Variants in EP400 observed in about 807,000 individuals in gnomAD.
The protein encoded by EP400 is E1A-binding protein p400.
Under a neutral mutation model 354.1 loss-of-function variants are expected in EP400, and 105 were observed. The ratio of observed to expected loss-of-function variants is 0.30; its 90% CI spans 0.25 to 0.35. The LOEUF (loss-of-function observed/expected upper bound fraction) is 0.35. Among genes scored for constraint, EP400 ranks in the 10% least tolerant of loss-of-function variants. The pLI is 1.00. For synonymous variants in EP400, 1,646 were observed against 1,716.9 expected, an observed-to-expected ratio of 0.96 and a Z score of 1.02; for missense variants, 3,280 against 4,121.0, an observed-to-expected ratio of 0.80 and a Z score of 5.59.
At chr12:132,051,838 C>T (rs535065202) in intron 41 of EP400, among the ~76,000 whole-genome samples, 2 of 152,204 alleles carry the variant, frequency 1.3e-5, no homozygotes, top group East Asian at 3.9e-4. Context: ...CTTTCCCGGT[C>T]CACTAAGTAG....
rs1357534426 is a variant in EP400 at position 131,979,800 on chromosome 12, C to CG, written c.1435+9dup. ...CCCTCCACAGGTATGGCAGGTACGTCGGCACGGCTAGCGTGGCCTCGGGAA... is the reference window on the plus strand; with the variant it reads ...CCCTCCACAGGTATGGCAGGTACGTCGGGCACGGCTAGCGTGGCCTCGGGAA... On this transcript the variant is annotated splice_region_variant and intron_variant, in intron 3 of 52. Coordinates refer to ENST00000389561, the MANE Select transcript of EP400 (RefSeq NM_015409.5). The CG allele has an allele frequency of 6.3e-7, 1 of 1,598,054 alleles. No individual in the cohort carries two copies. The highest frequency in any genetic ancestry group is 8.5e-7 in the Non-Finnish European group (1 of 1,172,780).
intron 31 of EP400, 44 bp downstream of exon 31, chr12:132,037,837 C>T (rs770590274): frequency 9.8e-5 from 158 of 1,609,638 alleles, no homozygotes; most frequent in Non-Finnish European, 1.2e-4. Flanking sequence ...ACCCGCCATG[C>T]GGCGCGTGGA....
chr12:131,951,362 T>C (rs544083194), intron 1 of EP400, among the ~76,000 whole-genome samples: 4 of 151,978 alleles, frequency 2.6e-5, no homozygotes, highest in Admixed American at 1.3e-4. Context: ...AATTTTTTAT[T>C]ATTTGAGTTG....
At chr12:132,012,150 A>G (rs1269392608) in intron 16 of EP400, among the ~76,000 whole-genome samples, 2 of 152,226 alleles carry the variant, frequency 1.3e-5, no homozygotes, top group Non-Finnish European at 2.9e-5. Flanking sequence ...CATTGAGTAG[A>G]ACGTTTTGGA....
intron 51 of EP400, among the ~76,000 whole-genome samples, chr12:132,072,120 GC>G (rs1896086985): frequency 6.6e-6 from 1 of 152,158 alleles, no homozygotes; most frequent in Admixed American, 6.5e-5. Flanking sequence ...CGTGCGCTCT[GC>G]CTGCCTTGTC....
intron 32 of EP400, among the ~76,000 whole-genome samples, chr12:132,042,197 C>T (rs372572519): frequency 2.6e-5 from 4 of 152,136 alleles, no homozygotes; most frequent in African/African-American, 7.2e-5. Context: ...GTGATCTGCC[C>T]GCCTTGGCCT....
In EP400 at chr12:132,077,942, C is replaced by T. The variant is rs768754449; in HGVS notation, c.*269C>T. ...AAATCATTTCACCTTTCAGTCCCCACCCGCACCCGTCCCCTAGAGCCATAG... is the reference window on the plus strand; with the variant it reads ...AAATCATTTCACCTTTCAGTCCCCATCCGCACCCGTCCCCTAGAGCCATAG... On this transcript the variant is annotated 3_prime_UTR_variant, in exon 53 of 53. Coordinates refer to ENST00000389561, the MANE Select transcript of EP400 (RefSeq NM_015409.5). The T allele has an allele frequency of 1.2e-5, 6 of 484,750 alleles. No homozygotes were observed. Among genetic ancestry groups the T allele is most frequent in the African/African-American group, 1.9e-5 (1 of 51,988 alleles). The allele number at this position is 484,750 out of a possible 1,614,324, so 30.0% of individuals were successfully genotyped here. A position where few individuals can be genotyped will look rare whatever the true frequency, so the allele number is the denominator to read the frequency against.
chr12:131,990,843 T>C lies in EP400; in HGVS notation c.2629+129T>C. On this transcript the variant is annotated intron_variant, in intron 9 of 52. Coordinates refer to ENST00000389561, the MANE Select transcript of EP400 (RefSeq NM_015409.5). This position sits in a 1 kb window ranked among gnomAD's most constrained non-coding sequence, Gnocchi z 4.2. The stretch of plus-strand genomic sequence containing the variant: ...TCTGCTCATCAGCCAGCTGCCTGAT[T>C]GTTACATTTCTCTTTGTGTGGCCAT... The C allele has an allele frequency of 2.9e-6, 2 of 687,532 alleles. No individual in the cohort carries two copies. Among genetic ancestry groups the C allele is most frequent in the Non-Finnish European group, 5.1e-6 (2 of 393,876 alleles). The allele number at this position is 687,532 out of a possible 1,614,324, so 42.6% of individuals were successfully genotyped here. A position where few individuals can be genotyped will look rare whatever the true frequency, so the allele number is the denominator to read the frequency against.
intron 21 of EP400, 86 bp from the exon 22 acceptor site, chr12:132,019,963 G>T: frequency 1.4e-6 from 2 of 1,387,944 alleles, no homozygotes; most frequent in Non-Finnish European, 9.5e-7. Flanking sequence ...CCTATGGGCA[G>T]CGGTGAACCC....
intron 10 of EP400, among the ~76,000 whole-genome samples, 156 bp from the exon 11 acceptor site, chr12:131,992,017 C>T (rs993917801): frequency 5.3e-5 from 8 of 152,224 alleles, no homozygotes; most frequent in African/African-American, 1.9e-4. Flanking sequence ...GTCCTCGCTC[C>T]CCCGCTGCCC....
At position 132,077,541 on chromosome 12, in the gene EP400, G is replaced by A. The variant is rs187160839; in HGVS notation, c.9240G>A (p.Pro3080=). The A allele has an allele frequency of 2.1e-4, 333 of 1,613,880 alleles. 2 individuals carry two copies. The East Asian group carries it at 6.4e-3, about 31-fold the overall frequency. Residue 3080 remains proline (P), a synonymous_variant, in exon 53 of 53, where the codon CCG becomes CCA. Transcript: ENST00000389561. ...QQQVVTTASA[P]LQTPGAPNPA... The stretch of plus-strand genomic sequence containing the variant: ...AGGTGGTGACCACGGCGTCGGCCCC[G>A]CTCCAGACTCCAGGCGCTCCCAACC...
chr12:132,042,305 G>A (rs1167251884), intron 32 of EP400, among the ~76,000 whole-genome samples: 1 of 152,138 alleles, frequency 6.6e-6, no homozygotes, highest in Non-Finnish European at 1.5e-5. Context: ...CCCGATAAAA[G>A]GCCTTTGTTT....
chr12:131,978,659 C>G (rs1197259160), intron 2 of EP400, among the ~76,000 whole-genome samples: 7 of 151,952 alleles, frequency 4.6e-5, no homozygotes, highest in Non-Finnish European at 4.4e-5. Context: ...GCATGTGTCA[C>G]CATGCCTGGC....
rs775750157 is a variant in EP400, at chr12:132,028,190, C to G, written c.5283C>G (p.Ala1761=). 6 of 1,614,108 alleles carry G rather than the reference C, an allele frequency of 3.7e-6. No homozygotes were observed. Among genetic ancestry groups the G allele is most frequent in the South Asian group, 2.2e-5 (2 of 91,072 alleles). Residue 1761 remains alanine (A), a synonymous_variant, in exon 27 of 53, where the codon GCC becomes GCG. Transcript: ENST00000389561. The stretch of plus-strand genomic sequence containing the variant: ...TGGATGGCCGTCGTGGGAAGGAGGC[C>G]GGGCCAGCGCACAGTTACACTTCAT... ...GSLDGRRGKE[A]GPAHSYTSSS...
Position 132,052,603 on chromosome 12 carries a change from T to G in EP400, c.7395-543T>G, listed in dbSNP as rs1302528644. ...CCTGTTTGTCGTCTGATGTGAGTGC[T>G]GTGATCGCTGGGACTCTAGCGTCTG... On this transcript the variant is annotated intron_variant, in intron 41 of 52. Coordinates refer to ENST00000389561, the MANE Select transcript of EP400 (RefSeq NM_015409.5). This position sits in a 1 kb window ranked among gnomAD's most constrained non-coding sequence, Gnocchi z 4.4. 6.6e-6 allele frequency among the ~76,000 whole-genome samples: 1 copy of G among 152,282 alleles called. No individual in the cohort carries two copies. The highest frequency in any genetic ancestry group is 1.5e-5 in the Non-Finnish European group (1 of 68,040).
At chr12:132,031,247 CTTTTT>C (rs751868792) in intron 29 of EP400, 2 of 519,102 alleles carry the variant, frequency 3.9e-6, no homozygotes, top group Admixed American at 1.9e-5. Context: ...ACTCCAGGGA[CTTTTT>C]GTTGCCTGTA....
chr12:131,951,046 C>T (rs1190125997), intron 1 of EP400, among the ~76,000 whole-genome samples: 3 of 151,370 alleles, frequency 2.0e-5, no homozygotes, highest in Admixed American at 6.6e-5. Flanking sequence ...ACTACAGGCG[C>T]CTGCCACCAC....
chr12:132,047,656 A>G (rs974565628), intron 39 of EP400, among the ~76,000 whole-genome samples: 3 of 152,262 alleles, frequency 2.0e-5, no homozygotes, highest in African/African-American at 7.2e-5. Context: ...TCACAGGACC[A>G]CAGGACCAGG....
intron 1 of EP400, among the ~76,000 whole-genome samples, chr12:131,950,247 T>G (rs1013032294): frequency 6.6e-6 from 1 of 151,632 alleles, no homozygotes; most frequent in African/African-American, 2.4e-5. Context: ...GTCTTTCGAG[T>G]CGTAGCGCCC....
Sources: gnomAD v4.1 joint callset for allele counts (sites outside exome capture counted in the v4.1 genomes callset) on GRCh38, gnomAD v4.1.1 for gene constraint, Gnocchi (gnomAD v3.1) non-coding constraint, MANE v1.5 for transcripts, NCBI Gene and HGNC (gene_info 2026-07-23, HGNC 2026-07-21) for gene names.